GSDMC: variants seen among roughly 807,000 people sequenced by gnomAD.
The protein encoded by GSDMC is gasdermin-C.
GSDMC carries 59 observed loss-of-function variants against 58.0 expected under a neutral mutation model. The ratio of observed to expected loss-of-function variants is 1.02; its 90% confidence interval spans 0.82 to 1.26. The LOEUF is 1.26. GSDMC is among the 50% of genes most tolerant of loss of function. The pLI, the probability that GSDMC is intolerant of heterozygous loss-of-function variation, is 0.00. For missense variants in GSDMC, 659 were observed against 598.5 expected (o/e 1.10, Z -1.06); for synonymous variants, 241 against 220.2 (o/e 1.09, Z -0.83).
chr8:129,723,432 T>A, the GSDMC span, among the ~76,000 whole-genome samples: 14 of 149,784 alleles, frequency 9.3e-5, no homozygotes, highest in Non-Finnish European at 1.6e-4. Flanking sequence ...TTTTTTTTTT[T>A]TTTTTTTGTA....
At chr8:129,755,384 G>T (rs1191925954) in intron 6 of GSDMC, among the ~76,000 whole-genome samples, 4 of 152,026 alleles carry the variant, frequency 2.6e-5, no homozygotes, top group Non-Finnish European at 4.4e-5. Flanking sequence ...TATCCTCCAA[G>T]GATGAAGGAG....
chr8:129,765,908 G>C, intron 3 of GSDMC, 115 bp from the exon 4 acceptor site: 1 of 717,746 alleles, frequency 1.4e-6, no homozygotes, highest in East Asian at 2.6e-5. Flanking sequence ...TTTGGACCCT[G>C]ACAGGTAAGT....
At chr8:129,712,117 GAATAATAATAAC>G in the GSDMC span, among the ~76,000 whole-genome samples, 1 of 152,128 alleles carries the variant, frequency 6.6e-6, no homozygotes, top group Non-Finnish European at 1.5e-5. Context: ...AATTAATTAA[GAATAATAATAAC>G]AATAATAATA....
chr8:129,721,660 G>C, the GSDMC span, among the ~76,000 whole-genome samples: 1 of 152,116 alleles, frequency 6.6e-6, no homozygotes, highest in African/African-American at 2.4e-5. Flanking sequence ...CTGGATCCAG[G>C]TCCTCATTAC....
the GSDMC span, among the ~76,000 whole-genome samples, chr8:129,727,768 G>T: frequency 1.3e-5 from 2 of 152,178 alleles, no homozygotes; most frequent in Admixed American, 1.3e-4. Flanking sequence ...CTGCTCTGGA[G>T]TAGGGTAGGA....
intron 3 of GSDMC, among the ~76,000 whole-genome samples, chr8:129,774,707 C>A (rs951214062): frequency 6.6e-6 from 1 of 151,986 alleles, no homozygotes; most frequent in Non-Finnish European, 1.5e-5. Context: ...GGAACTCATA[C>A]GGCTAAATTG....
chr8:129,758,811 A>G (rs1287714752), intron 6 of GSDMC, among the ~76,000 whole-genome samples: 1 of 152,196 alleles, frequency 6.6e-6, no homozygotes, highest in Non-Finnish European at 1.5e-5. Context: ...TACAGATTCA[A>G]TGCAATCCCT....
the GSDMC span, chr8:129,729,992 G>A: frequency 0.029 from 42,680 of 1,485,956 alleles, 869 homozygotes; most frequent in Middle Eastern, 0.095. Context: ...AGTGCTGTCC[G>A]GATAGTTCAT....
chr8:129,737,797 C>A, the GSDMC span, among the ~76,000 whole-genome samples: 3 of 152,104 alleles, frequency 2.0e-5, no homozygotes, highest in Non-Finnish European at 4.4e-5. Context: ...GCAACAAAAG[C>A]CAAAATAGAC....
At chr8:129,781,729 G>A (rs1303766666) in intron 1 of GSDMC, among the ~76,000 whole-genome samples, 7 of 137,216 alleles carry the variant, frequency 5.1e-5, no homozygotes, top group Non-Finnish European at 6.0e-5. Flanking sequence ...CAGCCTGGGT[G>A]ACAGAGCGAG....
intron 6 of GSDMC, among the ~76,000 whole-genome samples, chr8:129,754,611 A>G (rs2033355658): frequency 6.6e-6 from 1 of 152,198 alleles, no homozygotes; most frequent in Non-Finnish European, 1.5e-5. Flanking sequence ...CAATGAACGA[A>G]ACAAGGCACC....
the GSDMC span, among the ~76,000 whole-genome samples, chr8:129,738,415 T>A: frequency 6.6e-6 from 1 of 152,188 alleles, no homozygotes. Context: ...CAAATGTTCA[T>A]CAATGATAGA....
the GSDMC span, among the ~76,000 whole-genome samples, chr8:129,730,825 T>A: frequency 6.6e-6 from 1 of 152,170 alleles, no homozygotes; most frequent in Non-Finnish European, 1.5e-5. Flanking sequence ...GAAATGGGGC[T>A]ACAGGCCGAT....
chr8:129,781,192 T>C (rs953143202), intron 1 of GSDMC, among the ~76,000 whole-genome samples: 1 of 151,900 alleles, frequency 6.6e-6, no homozygotes, highest in African/African-American at 2.4e-5. Context: ...AGTAATAACA[T>C]TAAATGTAAA....
chr8:129,767,404 C>T (rs1306680258), intron 3 of GSDMC, among the ~76,000 whole-genome samples: 2 of 151,972 alleles, frequency 1.3e-5, no homozygotes, highest in Non-Finnish European at 2.9e-5. Context: ...AGTCCCAGGC[C>T]CCACTCAAGC....
the GSDMC span, chr8:129,729,210 AT>A: frequency 1.5e-6 from 1 of 647,926 alleles, no homozygotes; most frequent in South Asian, 1.5e-5. Context: ...AAAAGATGGC[AT>A]TTTGAGACCC....
the GSDMC span, among the ~76,000 whole-genome samples, chr8:129,713,940 G>A: frequency 3.9e-5 from 6 of 152,080 alleles, no homozygotes; most frequent in South Asian, 4.1e-4. Flanking sequence ...GAAAAAGGTC[G>A]GGCTCTCACT....
chr8:129,760,025 C>T (rs894427765), intron 6 of GSDMC, among the ~76,000 whole-genome samples: 1 of 151,956 alleles, frequency 6.6e-6, no homozygotes, highest in African/African-American at 2.4e-5. Context: ...ATACTATTCA[C>T]CCGTTAAAAA....
chr8:129,718,952 A>C, the GSDMC span, among the ~76,000 whole-genome samples: 1 of 152,110 alleles, frequency 6.6e-6, no homozygotes, highest in Non-Finnish European at 1.5e-5. Flanking sequence ...AAAACACCAC[A>C]TGTTCTCACT....
Sources: gnomAD v4.1 joint callset for allele counts (sites outside exome capture counted in the v4.1 genomes callset) on GRCh38, gnomAD v4.1.1 for gene constraint, MANE v1.5 for transcripts, NCBI Gene and HGNC (gene_info 2026-07-23, HGNC 2026-07-21) for gene names.